The following ITSN1 variants were observed in gnomAD, a reference collection of about 807,000 sequenced individuals.
ITSN1 encodes intersectin 1, also known as intersectin-1.
In ITSN1, 58 loss-of-function variants were observed where a neutral mutation model predicts 239.8. That is an observed-to-expected ratio of 0.24 (90% confidence interval 0.20 to 0.30). The LOEUF (loss-of-function observed/expected upper bound fraction) is 0.30. Among genes scored for constraint, ITSN1 ranks in the 10% least tolerant of loss-of-function variants. ITSN1 has a pLI of 1.00. For synonymous variants in ITSN1, 780 were observed against 770.8 expected, an observed-to-expected ratio of 1.01 and a Z score of -0.20; for missense variants, 1,558 against 2,103.3, an observed-to-expected ratio of 0.74 and a Z score of 5.07.
intron 1 of ITSN1, among the ~76,000 whole-genome samples, chr21:33,659,682 A>G (rs985852398): frequency 6.9e-6 from 1 of 143,924 alleles, no homozygotes; most frequent in Non-Finnish European, 1.5e-5. Context: ...TAAGCTATTC[A>G]TGGACTAAGT....
At chr21:33,741,894 C>CA (rs57036929) in intron 5 of ITSN1, among the ~76,000 whole-genome samples, 34,398 of 74,010 alleles carry the variant, frequency 0.46, 9,097 homozygotes, top group Non-Finnish European at 0.59. Context: ...GATTCCGTCT[C>CA]AAAAAAAAAA....
In ITSN1 at chr21:33,891,842, G is replaced by C. The variant is rs1035215026; in HGVS notation, c.*3542G>C. ...AAAGACTTCTCTATCTCCACTCCAA[G>C]TCGTTTTTTTCTAGTTGATTGGGCC... On this transcript the variant is annotated 3_prime_UTR_variant, in exon 40 of 40. Coordinates refer to ENST00000381318, the MANE Select transcript of ITSN1 (RefSeq NM_003024.3). 1 of 152,234 alleles carries C rather than the reference G, an allele frequency of 6.6e-6. No individual in the cohort carries two copies. The highest frequency in any genetic ancestry group is 1.5e-5 in the Non-Finnish European group (1 of 68,034). 9.4% of individuals were successfully genotyped at this position (152,234 alleles called of 1,614,324 possible).
chr21:33,718,709 C>A (rs2065311600), intron 1 of ITSN1, 88 bp from the exon 2 acceptor site: 1 of 842,864 alleles, frequency 1.2e-6, no homozygotes, highest in Non-Finnish European at 2.0e-6. Flanking sequence ...TATTAGTCCT[C>A]TGACCATTAA....
intron 1 of ITSN1, among the ~76,000 whole-genome samples, chr21:33,658,760 CT>C (rs1466049164): frequency 6.6e-6 from 1 of 152,184 alleles, no homozygotes; most frequent in African/African-American, 2.4e-5. Context: ...ATTATCTATC[CT>C]TTTGTTCATT....
At chr21:33,706,830 C>G (rs1308942563) in intron 1 of ITSN1, among the ~76,000 whole-genome samples, 4 of 152,138 alleles carry the variant, frequency 2.6e-5, no homozygotes, top group African/African-American at 4.8e-5. Context: ...TCAAGTGATT[C>G]TCCTGCCTCA....
intron 4 of ITSN1, 98 bp from the exon 5 acceptor site, chr21:33,734,946 A>G: frequency 1.1e-6 from 1 of 952,126 alleles, no homozygotes. Flanking sequence ...TAGGGGTAAG[A>G]GTGCTAATTA....
intron 1 of ITSN1, among the ~76,000 whole-genome samples, chr21:33,702,115 T>TCC (rs1568975034): frequency 2.0e-3 from 2 of 992 alleles, no homozygotes; most frequent in Non-Finnish European, 2.2e-3. Context: ...TTTTTTTTTT[T>TCC]TTTTTTTTTT....
At position 33,774,820 on chromosome 21, in the gene ITSN1, A is replaced by C. The variant is rs780624357; in HGVS notation, c.1397A>C (p.Glu466Ala). The C allele has an allele frequency of 6.2e-7, 1 of 1,614,018 alleles. No individual in the cohort carries two copies. The highest frequency in any genetic ancestry group is 2.2e-5 in the East Asian group (1 of 44,868). Residue 466 changes from glutamate to alanine, a missense_variant, in exon 13 of 40, where the codon GAG becomes GCG. By Grantham distance (107) the Glu-to-Ala change is moderately radical. Coordinates refer to ENST00000381318, the MANE Select transcript of ITSN1 (RefSeq NM_003024.3). ...ELLNQRNKEQEDIVVLKAKKK... is the reference protein window; with the variant it reads ...ELLNQRNKEQADIVVLKAKKK... Reference sequence around the variant, plus strand: ...CTAAATCAAAGAAACAAAGAACAAGAGGACATAGTTGTACTGAAAGCAAAG... The same window carrying C: ...CTAAATCAAAGAAACAAAGAACAAGCGGACATAGTTGTACTGAAAGCAAAG...
At chr21:33,713,548 G>T (rs942121293) in intron 1 of ITSN1, among the ~76,000 whole-genome samples, 1 of 151,766 alleles carries the variant, frequency 6.6e-6, no homozygotes, top group Non-Finnish European at 1.5e-5. Flanking sequence ...GTCTCAACAT[G>T]GTAGCCTTTT....
At chr21:33,818,105 A>G in intron 22 of ITSN1, 162 bp from the exon 23 acceptor site, 1 of 622,134 alleles carries the variant, frequency 1.6e-6, no homozygotes, top group Non-Finnish European at 2.8e-6. Context: ...TTGTTGGGAA[A>G]CAGTGAAGCA....
chr21:33,767,726 G>T lies in ITSN1; in HGVS notation c.940G>T (p.Gly314Cys). 6.2e-7 allele frequency: 1 copy of T among 1,605,430 alleles called. No homozygotes were observed. Among genetic ancestry groups the T allele is most frequent in the South Asian group, 1.1e-5 (1 of 89,660 alleles). Residue 314 changes from glycine to cysteine, a missense_variant, in exon 11 of 40, where the codon GGC becomes TGC. Physicochemically the swap from Gly to Cys is radical, Grantham distance 159. This residue lies in a region of ITSN1 where 982 missense variants were observed against 1,209.9 expected (regional missense o/e 0.81). Coordinates refer to ENST00000381318, the MANE Select transcript of ITSN1 (RefSeq NM_003024.3). ...IPPSFRRVRS[G>C]SGISVISSTS... ...CCGCAATTGCAGAAGAGTTCGATCTGGCAGTGGTATATCTGTCATAAGCTC... is the reference window on the plus strand; with the variant it reads ...CCGCAATTGCAGAAGAGTTCGATCTTGCAGTGGTATATCTGTCATAAGCTC...
chr21:33,674,356 C>T (rs2834245), intron 1 of ITSN1, among the ~76,000 whole-genome samples: 39,406 of 152,064 alleles, frequency 0.26, 5,587 homozygotes, highest in Middle Eastern at 0.38. Context: ...AGGCCCACAG[C>T]GTATAGGCTG....
At chr21:33,684,496 T>A (rs753369841) in intron 1 of ITSN1, among the ~76,000 whole-genome samples, 4 of 152,208 alleles carry the variant, frequency 2.6e-5, no homozygotes, top group Non-Finnish European at 4.4e-5. Flanking sequence ...TAAGGTTAGC[T>A]TGTAGGAACT....
At chr21:33,814,917 G>C (rs1245008936) in intron 22 of ITSN1, among the ~76,000 whole-genome samples, 1 of 152,224 alleles carries the variant, frequency 6.6e-6, no homozygotes, top group African/African-American at 2.4e-5. Flanking sequence ...GACTGCAGAG[G>C]AGAGTGAAGA....
chr21:33,779,243 C>T (rs2069942480), intron 14 of ITSN1, among the ~76,000 whole-genome samples: 1 of 151,824 alleles, frequency 6.6e-6, no homozygotes. Flanking sequence ...TTTTCTCAAG[C>T]TTCATAAGGA....
At chr21:33,664,653 C>T (rs1029011108) in intron 1 of ITSN1, among the ~76,000 whole-genome samples, 2 of 152,134 alleles carry the variant, frequency 1.3e-5, no homozygotes, top group African/African-American at 4.8e-5. Flanking sequence ...AGAATGAGGT[C>T]GATCACAGTT....
At chr21:33,705,387 T>G (rs1341175201) in intron 1 of ITSN1, among the ~76,000 whole-genome samples, 1 of 152,142 alleles carries the variant, frequency 6.6e-6, no homozygotes, top group East Asian at 1.9e-4. Flanking sequence ...CTACATTTTT[T>G]CTTTATTATT....
At chr21:33,755,986 C>T (rs2067880717) in intron 8 of ITSN1, among the ~76,000 whole-genome samples, 2 of 152,056 alleles carry the variant, frequency 1.3e-5, no homozygotes, top group Admixed American at 6.6e-5. Context: ...ATTTTTCTCA[C>T]GAAGGTTTAA....
Position 33,879,695 on chromosome 21 carries a change from T to G in ITSN1, c.4342-2548T>G, listed in dbSNP as rs369127700. Among the ~76,000 whole-genome samples, 36 of 152,296 alleles carry G rather than the reference T, an allele frequency of 2.4e-4. No homozygotes were observed. The South Asian group carries it at 5.2e-3, about 22-fold the overall frequency. On this transcript the variant is annotated intron_variant, in intron 34 of 39. Coordinates refer to ENST00000381318, the MANE Select transcript of ITSN1 (RefSeq NM_003024.3). The stretch of plus-strand genomic sequence containing the variant: ...AAATCAGTTGTCATCCTTCTTTTTT[T>G]TTGAGACAGAGTCTCACTCTCTTAC...
Sources: gnomAD v4.1 joint callset for allele counts (sites outside exome capture counted in the v4.1 genomes callset) on GRCh38, gnomAD v4.1.1 for gene constraint, gnomAD v4.1.1 regional missense constraint, MANE v1.5 for transcripts, NCBI Gene and HGNC (gene_info 2026-07-23, HGNC 2026-07-21) for gene names.